The following SNX31 variants were observed in gnomAD, a reference collection of about 807,000 sequenced individuals.
SNX31 encodes sorting nexin 31.
SNX31 carries 58 observed loss-of-function variants against 65.4 expected under a neutral mutation model. That is an observed-to-expected ratio of 0.89 (90% CI 0.72 to 1.10). The LOEUF is 1.10. SNX31 is among the 50% of genes least tolerant of loss of function. The pLI, the probability that SNX31 is intolerant of heterozygous loss-of-function variation, is 0.00. For missense variants in SNX31, 523 were observed against 529.7 expected, an observed-to-expected ratio of 0.99 and a Z score of 0.12; for synonymous variants, 181 against 190.1, an observed-to-expected ratio of 0.95 and a Z score of 0.39.
intron 2 of SNX31, among the ~76,000 whole-genome samples, chr8:100,641,645 TATATATATATATATGTATG>T: frequency 2.2e-5 from 1 of 45,254 alleles, no homozygotes; most frequent in Admixed American, 3.0e-4. Context: ...TATATATATA[TATATATATATATATGTATG>T]GTACTTGCCT....
chr8:100,646,275 G>A (rs1819631538), intron 2 of SNX31, among the ~76,000 whole-genome samples: 1 of 152,120 alleles, frequency 6.6e-6, no homozygotes, highest in Non-Finnish European at 1.5e-5. Flanking sequence ...AAGCGGCATG[G>A]TCAAAAACAG....
chr8:100,652,179 C>A (rs1013665038), upstream of SNX31, among the ~76,000 whole-genome samples: 1 of 152,074 alleles, frequency 6.6e-6, no homozygotes, highest in Non-Finnish European at 1.5e-5. Context: ...GGGGTTTCAC[C>A]GTGTTAGCCA....
chr8:100,653,799 C>T (rs928404750), upstream of SNX31, among the ~76,000 whole-genome samples: 1 of 152,168 alleles, frequency 6.6e-6, no homozygotes, highest in Non-Finnish European at 1.5e-5. Context: ...AGCCCCTGGC[C>T]GTGTGCGCAT....
Position 100,602,609 on chromosome 8 carries a change from T to C in SNX31, c.682-2168A>G, listed in dbSNP as rs1815746948. ...AGAAAATAGAACAAGTATAACAATA[T>C]GCCAGCATCACTACTCTTGCACTTT... On this transcript the variant is annotated intron_variant, in intron 8 of 13. Coordinates refer to ENST00000311812, the MANE Select transcript of SNX31 (RefSeq NM_152628.4). Among the ~76,000 whole-genome samples the C allele has an allele frequency of 2.0e-5, 3 of 152,260 alleles. No homozygotes were observed. In the South Asian group the frequency reaches 6.2e-4, roughly 31 times the overall value.
upstream of SNX31, chr8:100,649,777 C>T (rs1045020652): frequency 2.9e-5 from 12 of 413,746 alleles, no homozygotes; most frequent in Admixed American, 1.4e-4. Context: ...TCCACGGCCA[C>T]CCCCACCCCG....
chr8:100,574,184 T>C (rs1812843075), intron 13 of SNX31, among the ~76,000 whole-genome samples: 1 of 152,238 alleles, frequency 6.6e-6, no homozygotes, highest in Non-Finnish European at 1.5e-5. Context: ...TGGTTTTATG[T>C]GTCCTCTGCA....
At chr8:100,627,667 T>A (rs897234463) in intron 4 of SNX31, among the ~76,000 whole-genome samples, 1 of 152,098 alleles carries the variant, frequency 6.6e-6, no homozygotes, top group African/African-American at 2.4e-5. Context: ...GCCTCCCAAG[T>A]AGCTGGGATT....
intron 4 of SNX31, among the ~76,000 whole-genome samples, chr8:100,628,844 G>GTGTGTGTT (rs1294935966): frequency 1.3e-5 from 2 of 150,632 alleles, no homozygotes; most frequent in Non-Finnish European, 3.0e-5. Flanking sequence ...GTGTGTGTGT[G>GTGTGTGTT]TGTGTAGTCA....
In SNX31 at chr8:100,660,570, A is replaced by T. The variant is rs28611021; in HGVS notation, c.-58+2572T>A. Among the ~76,000 whole-genome samples the T allele has an allele frequency of 6.6e-6, 1 of 152,138 alleles. No homozygotes were observed. Among genetic ancestry groups the T allele is most frequent in the Non-Finnish European group, 1.5e-5 (1 of 68,032 alleles). Reference sequence around the variant, plus strand: ...TCACTCAGCACGGGGCTCTAACTCAAGTGGCAGGCGTCCCTGACCTGACAG... The same window carrying T: ...TCACTCAGCACGGGGCTCTAACTCATGTGGCAGGCGTCCCTGACCTGACAG... On this transcript the variant is annotated intron_variant, in intron 1 of 5. Coordinates refer to the SNX31 transcript ENST00000520352. This position sits in a 1 kb window ranked among gnomAD's most constrained non-coding sequence, Gnocchi z 4.1.
chr8:100,649,167 G>A (rs542031148), intron 2 of SNX31, 107 bp downstream of exon 2: 6 of 1,097,586 alleles, frequency 5.5e-6, no homozygotes, highest in South Asian at 4.0e-5. Context: ...GCCCGAGGCC[G>A]TGAAAGGCCC....
chr8:100,652,531 C>T (rs6983971), upstream of SNX31, among the ~76,000 whole-genome samples: 60,704 of 151,924 alleles, frequency 0.4, 12,878 homozygotes, highest in African/African-American at 0.51. Flanking sequence ...AGCTTATTTA[C>T]AGATTTTAAA....
intron 12 of SNX31, among the ~76,000 whole-genome samples, chr8:100,579,653 A>G (rs1273543864): frequency 6.6e-6 from 1 of 152,216 alleles, no homozygotes; most frequent in Admixed American, 6.5e-5. Context: ...TGCCTTTTAA[A>G]TAGTTTCACC....
chr8:100,639,602 G>T (rs1819015051), intron 2 of SNX31, among the ~76,000 whole-genome samples: 1 of 42,962 alleles, frequency 2.3e-5, no homozygotes, highest in Non-Finnish European at 4.4e-5. Context: ...ATATTAGTAT[G>T]ACCACATGTT....
chr8:100,630,228 G>A lies in SNX31; in HGVS notation c.321+99C>T, dbSNP rs1321858531. On this transcript the variant is annotated intron_variant, in intron 4 of 13. Transcript: ENST00000311812. This position sits in a 1 kb window ranked among gnomAD's most constrained non-coding sequence, Gnocchi z 5.3. ...TTTGTCCAAGTCCAGGCTCTGTGGG[G>A]CTGTGACCAGTGCACACATGTGTGT... 6.6e-6 allele frequency: 7 copies of A among 1,055,694 alleles called. No homozygotes were observed. The highest frequency in any genetic ancestry group is 8.4e-6 in the Non-Finnish European group (6 of 710,352). 65.4% of individuals were successfully genotyped at this position (1,055,694 alleles called of 1,614,324 possible). A position where few individuals can be genotyped will look rare whatever the true frequency, so the allele number is the denominator to read the frequency against.
intron 12 of SNX31, among the ~76,000 whole-genome samples, chr8:100,580,526 C>T (rs912930529): frequency 2.0e-5 from 3 of 152,132 alleles, no homozygotes; most frequent in Non-Finnish European, 4.4e-5. Flanking sequence ...GGCCAATTGT[C>T]GTAGGGGAAA....
At chr8:100,658,816 C>T (rs1249640624) in intron 1 of SNX31, among the ~76,000 whole-genome samples, 2 of 152,098 alleles carry the variant, frequency 1.3e-5, no homozygotes, top group African/African-American at 2.4e-5. Context: ...AGGTTCTTTG[C>T]GATGAGTCGA....
rs373020024 is a variant in SNX31 at position 100,636,004 on chromosome 8, C to T, written c.149G>A (p.Arg50Gln). 2.5e-5 allele frequency: 41 copies of T among 1,613,256 alleles called. No homozygotes were observed. The highest frequency in any genetic ancestry group is 3.1e-5 in the Non-Finnish European group (36 of 1,179,390). ...QLHGWNEQLR[R>Q]VFGNCLPPFP... ...GGGTGGCAGGCAATTTCCAAAGACC[C>T]GCCTTAGCTGAAAGATCCAGGAAAC... The change falls in exon 3 of 14, where the codon CGG becomes CAG. Residue 50 changes from arginine (R) to glutamine (Q), a missense_variant. Coordinates refer to ENST00000311812, the MANE Select transcript of SNX31 (RefSeq NM_152628.4).
chr8:100,649,204 G>C (rs1355550128), intron 2 of SNX31, 70 bp downstream of exon 2: 1 of 1,503,338 alleles, frequency 6.7e-7, no homozygotes, highest in Non-Finnish European at 9.2e-7. Context: ...CAGAGGAACA[G>C]AGCGCTTTGG....
At chr8:100,606,787 AC>A (rs1461992826) in intron 8 of SNX31, among the ~76,000 whole-genome samples, 2 of 152,152 alleles carry the variant, frequency 1.3e-5, no homozygotes, top group African/African-American at 4.8e-5. Context: ...CAAACCCACT[AC>A]TCAATCTTTT....
Sources: allele counts gnomAD v4.1 joint callset (sites outside exome capture counted in the v4.1 genomes callset), GRCh38; gene constraint gnomAD v4.1.1; non-coding constraint Gnocchi (gnomAD v3.1); transcripts MANE v1.5; gene names NCBI Gene and HGNC (gene_info 2026-07-23, HGNC 2026-07-21).